The following SDK1 variants were observed in gnomAD, a reference collection of about 807,000 sequenced individuals.
The protein encoded by SDK1 is sidekick cell adhesion molecule 1.
A neutral mutation model predicts 245.5 loss-of-function variants in SDK1; 157 were observed. The observed-to-expected ratio is 0.64, with a 90% CI of 0.56 to 0.73. The LOEUF is 0.73. Ranked by LOEUF, SDK1 falls within the 30% of genes least tolerant of loss-of-function variation. The probability of loss-of-function intolerance (pLI) is 0.00; values close to 1 mark genes in which losing one functional copy is unlikely to be tolerated. For synonymous variants in SDK1, 1,647 were observed against 1,278.5 expected (o/e 1.29, Z -6.15); for missense variants, 3,583 against 3,002.3 (o/e 1.19, Z -4.52).
intron 1 of SDK1, among the ~76,000 whole-genome samples, chr7:3,573,597 C>T (rs1350173453): frequency 6.6e-6 from 1 of 152,000 alleles, no homozygotes; most frequent in Non-Finnish European, 1.5e-5. Context: ...GCTTAATGGC[C>T]ACTTCTTCCA....
intron 1 of SDK1, among the ~76,000 whole-genome samples, chr7:3,349,792 C>G (rs887227890): frequency 6.6e-6 from 1 of 151,808 alleles, no homozygotes; most frequent in African/African-American, 2.4e-5. Flanking sequence ...TTAGTAGAGA[C>G]GGGGTTTCAC....
At chr7:3,889,082 T>G (rs967298828) in intron 5 of SDK1, among the ~76,000 whole-genome samples, 3 of 152,206 alleles carry the variant, frequency 2.0e-5, no homozygotes, top group Non-Finnish European at 4.4e-5. Flanking sequence ...TCTGGGACCT[T>G]GAAGCTCAAA....
At chr7:3,906,755 G>C (rs973357456) in intron 5 of SDK1, among the ~76,000 whole-genome samples, 9 of 149,796 alleles carry the variant, frequency 6.0e-5, no homozygotes, top group African/African-American at 1.7e-4. Context: ...AGCCTCCTGA[G>C]TAGCTGGGAC....
chr7:4,039,117 A>G (rs990455045), intron 17 of SDK1, among the ~76,000 whole-genome samples: 90 of 148,544 alleles, frequency 6.1e-4, no homozygotes, highest in Non-Finnish European at 7.2e-4. Flanking sequence ...ACACATGGAC[A>G]CAGGAAGGGG....
chr7:3,466,668 T>G (rs1369581787), intron 1 of SDK1, among the ~76,000 whole-genome samples: 3 of 151,712 alleles, frequency 2.0e-5, no homozygotes, highest in Non-Finnish European at 4.4e-5. Flanking sequence ...TCACTTAAAA[T>G]AATAACTGGC....
chr7:4,109,151 C>T (rs1401981935), intron 22 of SDK1, among the ~76,000 whole-genome samples: 1 of 152,288 alleles, frequency 6.6e-6, no homozygotes. Flanking sequence ...TCTGTTAAGA[C>T]ACCTGTTGTC....
At chr7:3,753,360 G>C (rs1258193754) in intron 4 of SDK1, among the ~76,000 whole-genome samples, 1 of 152,152 alleles carries the variant, frequency 6.6e-6, no homozygotes, top group Non-Finnish European at 1.5e-5. Flanking sequence ...ATCAGTATTA[G>C]AGATGCAAGC....
intron 1 of SDK1, among the ~76,000 whole-genome samples, chr7:3,506,878 C>T (rs1348763607): frequency 6.6e-6 from 1 of 150,806 alleles, no homozygotes; most frequent in Non-Finnish European, 1.5e-5. Flanking sequence ...ATTTGAATTC[C>T]TTCCTTATTA....
chr7:3,753,104 G>A lies in SDK1; in HGVS notation c.714-68346G>A, dbSNP rs527247843. 2.0e-5 allele frequency among the ~76,000 whole-genome samples: 3 copies of A among 152,238 alleles called. No individual in the cohort carries two copies. In the East Asian group the frequency reaches 5.8e-4, roughly 29 times the overall value. ...ACATCACTAAGATGGGTGAGGTGGG[G>A]ATCAAAAATTGAGAGAACTAGGATG... On this transcript the variant is annotated intron_variant, in intron 4 of 44. Coordinates refer to ENST00000404826, the MANE Select transcript of SDK1 (RefSeq NM_152744.4).
chr7:3,951,163 G>A (rs999787629), intron 6 of SDK1, 129 bp downstream of exon 6: 25 of 694,296 alleles, frequency 3.6e-5, no homozygotes, highest in Middle Eastern at 5.4e-4. Context: ...GGCCGGGTGG[G>A]CCATGAATAC....
At chr7:4,140,318 T>C (rs1166646115) in intron 28 of SDK1, among the ~76,000 whole-genome samples, 2 of 152,110 alleles carry the variant, frequency 1.3e-5, no homozygotes, top group Non-Finnish European at 2.9e-5. Flanking sequence ...TCCCGAGGAC[T>C]CTCTTTCTTT....
At chr7:3,818,062 A>G (rs1779553499) in intron 4 of SDK1, among the ~76,000 whole-genome samples, 1 of 152,218 alleles carries the variant, frequency 6.6e-6, no homozygotes, top group Admixed American at 6.5e-5. Context: ...CATCTCATCC[A>G]TATTGTACTC....
chr7:4,021,560 C>G (rs1413604146), intron 17 of SDK1, among the ~76,000 whole-genome samples: 1 of 152,174 alleles, frequency 6.6e-6, no homozygotes, highest in Admixed American at 6.5e-5. Flanking sequence ...GGTTCTTTGT[C>G]TTTTTGGCTG....
intron 1 of SDK1, among the ~76,000 whole-genome samples, chr7:3,317,870 G>C (rs1779701903): frequency 6.6e-6 from 1 of 152,044 alleles, no homozygotes; most frequent in Non-Finnish European, 1.5e-5. Context: ...TTAAGTTTTT[G>C]TGGTTATATT....
At chr7:3,352,237 A>C (rs1017436352) in intron 1 of SDK1, among the ~76,000 whole-genome samples, 1 of 151,130 alleles carries the variant, frequency 6.6e-6, no homozygotes, top group Non-Finnish European at 1.5e-5. Context: ...ACCCTACTAA[A>C]TGTAAAAATT....
chr7:3,462,256 C>G (rs1417784370), intron 1 of SDK1, among the ~76,000 whole-genome samples: 1 of 152,164 alleles, frequency 6.6e-6, no homozygotes, highest in Non-Finnish European at 1.5e-5. Flanking sequence ...TTTGAAATAC[C>G]TGTAACAAGC....
intron 1 of SDK1, among the ~76,000 whole-genome samples, chr7:3,508,631 C>A (rs188136140): frequency 8.5e-5 from 13 of 152,216 alleles, no homozygotes; most frequent in African/African-American, 2.6e-4. Flanking sequence ...CCCAGCCTTA[C>A]ATCATCATTC....
At chr7:3,641,031 A>G (rs1438002501) in intron 3 of SDK1, among the ~76,000 whole-genome samples, 3 of 151,818 alleles carry the variant, frequency 2.0e-5, no homozygotes, top group Non-Finnish European at 4.4e-5. Context: ...TTTGATAACA[A>G]ATTTCATTTT....
intron 4 of SDK1, among the ~76,000 whole-genome samples, chr7:3,740,957 G>C (rs1779459937): frequency 6.6e-6 from 1 of 152,176 alleles, no homozygotes; most frequent in African/African-American, 2.4e-5. Flanking sequence ...TAGTTCATCA[G>C]GTGTGGACAC....
Sources: allele counts gnomAD v4.1 joint callset (sites outside exome capture counted in the v4.1 genomes callset), GRCh38; gene constraint gnomAD v4.1.1; transcripts MANE v1.5; gene names NCBI Gene and HGNC (gene_info 2026-07-23, HGNC 2026-07-21).